Variants in B3GNT2 observed in about 807,000 individuals in gnomAD.
B3GNT2 encodes the protein N-acetyllactosaminide beta-1,3-N-acetylglucosaminyltransferase 2.
Under a neutral mutation model 27.6 loss-of-function variants are expected in B3GNT2, and 12 were observed. That is an observed-to-expected ratio of 0.44 (90% CI 0.28 to 0.71). The LOEUF (loss-of-function observed/expected upper bound fraction) is 0.71, where lower values mean the gene tolerates loss of function less well. Among genes scored for constraint, B3GNT2 ranks in the 30% least tolerant of loss-of-function variants. B3GNT2 has a pLI of 0.17. For synonymous variants in B3GNT2, 192 were observed against 189.7 expected, an observed-to-expected ratio of 1.01 and a Z score of -0.10; for missense variants, 413 against 488.5, an observed-to-expected ratio of 0.85 and a Z score of 1.46.
Position 62,222,351 on chromosome 2 carries a change from C to T in B3GNT2, c.131C>T (p.Pro44Leu). Residue 44 changes from proline to leucine, a missense_variant, in exon 2 of 2, where the codon CCC (proline) becomes CTC (leucine). Coordinates refer to ENST00000301998, the MANE Select transcript of B3GNT2 (RefSeq NM_006577.6). The surrounding 1 kb of genome is among the most constrained non-coding windows in gnomAD (Gnocchi z 4.2). ...AATGGAAAAGGGGAAGTAATAATACCCAAAGAGAAGTTCTGGAAGATATCT... is the reference window on the plus strand; with the variant it reads ...AATGGAAAAGGGGAAGTAATAATACTCAAAGAGAAGTTCTGGAAGATATCT... Reference protein sequence around the residue: ...EKNGKGEVIIPKEKFWKISTP... With the variant: ...EKNGKGEVIILKEKFWKISTP... 1 of 1,613,912 alleles carries T rather than the reference C, an allele frequency of 6.2e-7. No homozygotes were observed. Among genetic ancestry groups the T allele is most frequent in the Non-Finnish European group, 8.5e-7 (1 of 1,179,996 alleles).
intron 1 of B3GNT2, among the ~76,000 whole-genome samples, chr2:62,203,318 A>T (rs111515488): frequency 6.6e-6 from 1 of 152,146 alleles, no homozygotes; most frequent in African/African-American, 2.4e-5. Flanking sequence ...GGAGGTTAGG[A>T]GAAGGGCCAT....
chr2:62,210,482 A>G (rs1309362563), intron 1 of B3GNT2, among the ~76,000 whole-genome samples: 2 of 151,446 alleles, frequency 1.3e-5, no homozygotes, highest in African/African-American at 2.5e-5. Flanking sequence ...AAAAAGGAGG[A>G]CAGTGGCCGG....
Position 62,223,123 on chromosome 2 carries a change from A to T in B3GNT2, c.903A>T (p.Pro301=), listed in dbSNP as rs1238765998. 1 of 1,613,894 alleles carries T rather than the reference A, an allele frequency of 6.2e-7. No homozygotes were observed. The highest frequency in any genetic ancestry group is 8.5e-7 in the Non-Finnish European group (1 of 1,179,982). The part of the protein sequence containing the change: ...IPEVVYSGLY[P]PYAGGGGFLY... ...AAGTTGTTTACTCTGGCCTCTACCC[A>T]CCCTATGCAGGGGGAGGGGGGTTCC... The change falls in exon 2 of 2, where the codon CCA becomes CCT. Residue 301 remains proline, a synonymous_variant. Transcript: ENST00000301998.
At chr2:62,209,914 C>A (rs1674448389) in intron 1 of B3GNT2, among the ~76,000 whole-genome samples, 1 of 152,182 alleles carries the variant, frequency 6.6e-6, no homozygotes, top group Non-Finnish European at 1.5e-5. Flanking sequence ...TATGAATAAT[C>A]AAAACTGAGT....
intron 1 of B3GNT2, among the ~76,000 whole-genome samples, chr2:62,210,718 C>T (rs988392733): frequency 8.6e-5 from 13 of 151,564 alleles, no homozygotes; most frequent in South Asian, 2.1e-4. Context: ...TGCAGTGAGC[C>T]GAGATCGCAC....
Position 62,223,431 on chromosome 2 carries a change from A to G in B3GNT2, c.*17A>G, listed in dbSNP as rs774186504. ...AAATGCTAAAATAGATACAAACTCAATTTTGCATAGAAAGGTGTATTTTGA... is the reference window on the plus strand; with the variant it reads ...AAATGCTAAAATAGATACAAACTCAGTTTTGCATAGAAAGGTGTATTTTGA... On this transcript the variant is annotated 3_prime_UTR_variant, in exon 2 of 2. Transcript: ENST00000301998. 2.2e-5 allele frequency: 34 copies of G among 1,562,864 alleles called. No individual in the cohort carries two copies. The East Asian group carries it at 7.2e-4, about 33-fold the overall frequency.
At position 62,222,286 on chromosome 2, in the gene B3GNT2, T is replaced by C. The variant is rs1441249415; in HGVS notation, c.66T>C (p.Tyr22=). 1 of 1,613,514 alleles carries C rather than the reference T, an allele frequency of 6.2e-7. No individual in the cohort carries two copies. The highest frequency in any genetic ancestry group is 8.5e-7 in the Non-Finnish European group (1 of 1,179,886). Residue 22 remains tyrosine, a synonymous_variant, in exon 2 of 2, where the codon TAT becomes TAC. Transcript: ENST00000301998. This position sits in a 1 kb window ranked among gnomAD's most constrained non-coding sequence, Gnocchi z 4.2. ...TGATGATGGCAAATGTCTTCATTTA[T>C]TTTATTATGGAAGTCTCCAAAAGCA... is the stretch of plus-strand genomic sequence containing the variant. The part of the protein sequence containing the change: ...GILMMANVFI[Y]FIMEVSKSSS...
At chr2:62,201,008 A>T (rs1300498509) in intron 1 of B3GNT2, among the ~76,000 whole-genome samples, 2 of 152,232 alleles carry the variant, frequency 1.3e-5, no homozygotes, top group Non-Finnish European at 2.9e-5. Flanking sequence ...CCTATGTTAG[A>T]TTTACTGGGG....
At chr2:62,200,846 A>G (rs1674253301) in intron 1 of B3GNT2, among the ~76,000 whole-genome samples, 1 of 152,244 alleles carries the variant, frequency 6.6e-6, no homozygotes, top group Non-Finnish European at 1.5e-5. Flanking sequence ...CTTTTGTGAA[A>G]TAGGCTTGAA....
At chr2:62,213,755 T>A (rs1674521120) in intron 1 of B3GNT2, among the ~76,000 whole-genome samples, 2 of 152,354 alleles carry the variant, frequency 1.3e-5, no homozygotes, top group South Asian at 4.1e-4. Context: ...TCTTAATAAG[T>A]GAGACAGTTT....
chr2:62,200,745 A>G (rs1332720756), intron 1 of B3GNT2, among the ~76,000 whole-genome samples: 1 of 152,144 alleles, frequency 6.6e-6, no homozygotes, highest in Non-Finnish European at 1.5e-5. Context: ...TCTTTCTTAC[A>G]TCATCATAGA....
intron 1 of B3GNT2, among the ~76,000 whole-genome samples, chr2:62,199,634 G>C (rs753223316): frequency 6.6e-6 from 1 of 152,186 alleles, no homozygotes; most frequent in Non-Finnish European, 1.5e-5. Flanking sequence ...TCATTTGGTT[G>C]CTTGGTATTT....
rs1358594993 is a variant in B3GNT2 at position 62,196,171 on chromosome 2, G to T, written c.-194G>T. The T allele has an allele frequency of 6.6e-6, 1 of 151,766 alleles. No homozygotes were observed. The highest frequency in any genetic ancestry group is 2.4e-5 in the African/African-American group (1 of 41,366). 9.4% of individuals were successfully genotyped at this position (151,766 alleles called of 1,614,324 possible). ...CAGCGGCAACAAGTGCCGGAGGCTA[G>T]CAGAGCCAAGCCGGAGCAGTCCCTG... is the stretch of plus-strand genomic sequence containing the variant. On this transcript the variant is annotated 5_prime_UTR_variant, in exon 1 of 2. Coordinates refer to ENST00000301998, the MANE Select transcript of B3GNT2 (RefSeq NM_006577.6).
At chr2:62,197,746 G>C (rs941455916) in intron 1 of B3GNT2, among the ~76,000 whole-genome samples, 4 of 152,210 alleles carry the variant, frequency 2.6e-5, no homozygotes, top group African/African-American at 9.7e-5. Flanking sequence ...GAAAAGGCGG[G>C]GACCCTGGCC....
intron 1 of B3GNT2, among the ~76,000 whole-genome samples, chr2:62,197,191 G>T (rs946995660): frequency 6.6e-6 from 1 of 152,042 alleles, no homozygotes; most frequent in Admixed American, 6.5e-5. Context: ...GGGCGTGGGG[G>T]GCCCTGCCGG....
chr2:62,201,058 G>A (rs1674256132), intron 1 of B3GNT2, among the ~76,000 whole-genome samples: 1 of 152,142 alleles, frequency 6.6e-6, no homozygotes, highest in African/African-American at 2.4e-5. Flanking sequence ...CTAGCACTGT[G>A]CCTGACTGCA....
chr2:62,196,945 C>G (rs1245713156), intron 1 of B3GNT2, among the ~76,000 whole-genome samples: 1 of 151,998 alleles, frequency 6.6e-6, no homozygotes, highest in East Asian at 1.9e-4. Flanking sequence ...CCCCACCCCC[C>G]ACCCCCAACC....
At chr2:62,211,328 C>A (rs1674477977) in intron 1 of B3GNT2, among the ~76,000 whole-genome samples, 1 of 152,116 alleles carries the variant, frequency 6.6e-6, no homozygotes, top group African/African-American at 2.4e-5. Context: ...TGCACTTCAA[C>A]CTGGGTGACA....
At chr2:62,214,540 C>T (rs1674536103) in intron 1 of B3GNT2, among the ~76,000 whole-genome samples, 1 of 152,154 alleles carries the variant, frequency 6.6e-6, no homozygotes, top group Admixed American at 6.5e-5. Context: ...AGTTTGTTGA[C>T]CCATGAACCC....
Sources: gnomAD v4.1 joint callset for allele counts (sites outside exome capture counted in the v4.1 genomes callset) on GRCh38, gnomAD v4.1.1 for gene constraint, Gnocchi (gnomAD v3.1) non-coding constraint, MANE v1.5 for transcripts, NCBI Gene and HGNC (gene_info 2026-07-23, HGNC 2026-07-21) for gene names.